RUVBL1: variants seen among roughly 807,000 people sequenced by gnomAD.
The protein encoded by RUVBL1 is ruvB-like 1.
A neutral mutation model predicts 52.4 loss-of-function variants in RUVBL1; 4 were observed. The ratio of observed to expected loss-of-function variants is 0.08; its 90% confidence interval spans 0.04 to 0.17. The LOEUF is 0.17. RUVBL1 is among the 10% of genes least tolerant of loss of function. The pLI is 1.00. For synonymous variants in RUVBL1, 217 were observed against 214.4 expected (o/e 1.01, Z -0.10); for missense variants, 298 against 572.8 (o/e 0.52, Z 4.90).
intron 1 of RUVBL1, among the ~76,000 whole-genome samples, chr3:128,152,120 T>C (rs757663535): frequency 3.9e-5 from 6 of 152,186 alleles, no homozygotes; most frequent in Non-Finnish European, 7.3e-5. Context: ...ACCCACCACC[T>C]GGCCAGAGCA....
intron 4 of RUVBL1, among the ~76,000 whole-genome samples, chr3:128,102,981 G>A (rs534756238): frequency 2.6e-5 from 4 of 152,304 alleles, no homozygotes; most frequent in Non-Finnish European, 5.9e-5. Flanking sequence ...CCCAGGTAAG[G>A]CCTGGCAGGA....
Position 128,087,828 on chromosome 3 carries a change from T to C in RUVBL1, c.1017-20A>G. The C allele has an allele frequency of 1.3e-6, 2 of 1,531,652 alleles. No individual in the cohort carries two copies. The highest frequency in any genetic ancestry group is 1.8e-6 in the Non-Finnish European group (2 of 1,106,400). 94.9% of individuals were successfully genotyped at this position (1,531,652 alleles called of 1,614,324 possible). A position where few individuals can be genotyped will look rare whatever the true frequency, so the allele number is the denominator to read the frequency against. On this transcript the variant is annotated intron_variant, in intron 8 of 10. Transcript: ENST00000322623. ...GTGCCTCTGTAAGGGGCAAAATTAA[T>C]CCCATCACCTAAGCCTCTGTTAGAC...
chr3:128,127,408 T>TC (rs1321382434), upstream of RUVBL1, among the ~76,000 whole-genome samples: 2 of 152,234 alleles, frequency 1.3e-5, no homozygotes, highest in East Asian at 3.9e-4. Context: ...ACCCTCTCAT[T>TC]CCCTTACTCC....
chr3:128,123,158 C>T (rs922695148), intron 1 of RUVBL1, among the ~76,000 whole-genome samples: 1 of 152,060 alleles, frequency 6.6e-6, no homozygotes, highest in African/African-American at 2.4e-5. Flanking sequence ...GCCGACAAAG[C>T]CCTGCAGTAA....
In RUVBL1 at chr3:128,069,566, C is replaced by T. The variant is rs147269024; in HGVS notation, c.940-4346G>A. 1,124 of 1,614,084 alleles carry T rather than the reference C, an allele frequency of 7.0e-4. 4 individuals carry two copies. The Middle Eastern group carries it at 7.9e-3, about 11-fold the overall frequency. On this transcript the variant is annotated intron_variant, in intron 9 of 9. Coordinates refer to the RUVBL1 transcript ENST00000464873. ...TCCTAGGCGCCATTGGGTCTGGAAC[C>T]GGGATCCTGCTCGCAGTCACAATCA...
At chr3:128,086,724 G>T (rs772614232) in intron 9 of RUVBL1, among the ~76,000 whole-genome samples, 2 of 152,220 alleles carry the variant, frequency 1.3e-5, no homozygotes, top group East Asian at 3.8e-4. Flanking sequence ...GGAATACCTG[G>T]AAATACCATG....
At position 128,082,544 on chromosome 3, in the gene RUVBL1, T is replaced by C; in HGVS notation, c.1150A>G (p.Ile384Val). 1.2e-6 allele frequency: 2 copies of C among 1,613,788 alleles called. No individual in the cohort carries two copies. Among genetic ancestry groups the C allele is most frequent in the Non-Finnish European group, 1.7e-6 (2 of 1,179,824 alleles). The change falls in exon 10 of 11, where the codon ATC becomes GTC. Residue 384 changes from isoleucine to valine, a missense_variant. Ile to Val is a conservative substitution (Grantham distance 29, BLOSUM62 3). Coordinates refer to ENST00000322623, the MANE Select transcript of RUVBL1 (RefSeq NM_003707.3). This position sits in a 1 kb window ranked among gnomAD's most constrained non-coding sequence, Gnocchi z 4.7. Reference sequence around the variant, plus strand: ...TTCAGTGCCTCCTCACTGATGTTGATTCCTTCCGTCTGGGCACGGATTTTA... The same window carrying C: ...TTCAGTGCCTCCTCACTGATGTTGACTCCTTCCGTCTGGGCACGGATTTTA... Reference protein sequence around the residue: ...IIKIRAQTEGINISEEALNHL... With the variant: ...IIKIRAQTEGVNISEEALNHL...
At chr3:128,130,614 A>AT (rs71634799) in intron 1 of RUVBL1, among the ~76,000 whole-genome samples, 4 of 105,352 alleles carry the variant, frequency 3.8e-5, no homozygotes, top group Non-Finnish European at 5.4e-5. Flanking sequence ...AAAAAAAAAA[A>AT]TTTTATTTAT....
chr3:128,118,890 C>T (rs1341068736), intron 2 of RUVBL1, among the ~76,000 whole-genome samples: 1 of 152,206 alleles, frequency 6.6e-6, no homozygotes, highest in Non-Finnish European at 1.5e-5. Flanking sequence ...AAAATCATGT[C>T]TCTAATTCTT....
downstream of RUVBL1, among the ~76,000 whole-genome samples, chr3:128,076,850 C>A (rs950281606): frequency 3.9e-4 from 60 of 152,218 alleles, no homozygotes; most frequent in African/African-American, 1.4e-3. The surrounding 1 kb of genome is among the most constrained non-coding windows in gnomAD (Gnocchi z 6.8). Context: ...CCGCACCCCG[C>A]ACCCCACCAT....
At chr3:128,105,837 T>C (rs1050464835) in intron 3 of RUVBL1, among the ~76,000 whole-genome samples, 5 of 151,298 alleles carry the variant, frequency 3.3e-5, no homozygotes, top group Non-Finnish European at 7.4e-5. Flanking sequence ...TGCTCTACAA[T>C]TTTCTTTCTT....
intron 9 of RUVBL1, chr3:128,068,153 G>T: frequency 1.1e-6 from 1 of 878,568 alleles, no homozygotes; most frequent in Non-Finnish European, 1.9e-6. Flanking sequence ...GCACTTACTG[G>T]GTCACTAAAT....
At chr3:128,150,864 TTATA>T (rs369748425) in intron 1 of RUVBL1, among the ~76,000 whole-genome samples, 1 of 72,940 alleles carries the variant, frequency 1.4e-5, no homozygotes, top group African/African-American at 6.1e-5. Context: ...ATATTATATA[TTATA>T]TATATATATT....
In RUVBL1 at chr3:128,098,865, C is replaced by A; in HGVS notation, c.817+17G>T. The A allele has an allele frequency of 6.2e-7, 1 of 1,612,486 alleles. No homozygotes were observed. The highest frequency in any genetic ancestry group is 8.5e-7 in the Non-Finnish European group (1 of 1,178,622). On this transcript the variant is annotated intron_variant, in intron 7 of 10. Coordinates refer to ENST00000322623, the MANE Select transcript of RUVBL1 (RefSeq NM_003707.3). ...TCCGCCCTGCCCCTTGCTCACAGGGCACACTGGTTCTCCTACCTGTGATTT... is the reference window on the plus strand; with the variant it reads ...TCCGCCCTGCCCCTTGCTCACAGGGAACACTGGTTCTCCTACCTGTGATTT...
At chr3:128,085,702 G>A (rs1318073277) in intron 9 of RUVBL1, among the ~76,000 whole-genome samples, 1 of 152,236 alleles carries the variant, frequency 6.6e-6, no homozygotes, top group African/African-American at 2.4e-5. Flanking sequence ...GGTAAGAGAT[G>A]CTGGCAGGCC....
At chr3:128,065,865 CCGAGTAG>C (rs1941961084) in intron 9 of RUVBL1, among the ~76,000 whole-genome samples, 7 of 151,592 alleles carry the variant, frequency 4.6e-5, no homozygotes, top group Admixed American at 3.9e-4. Context: ...CCTCAGCCTC[CCGAGTAG>C]ATGGGATTAC....
exon 10 of RUVBL1, chr3:128,064,842 C>G (rs768136095): frequency 2.0e-6 from 3 of 1,535,772 alleles, no homozygotes; most frequent in Admixed American, 2.1e-5. Context: ...GTTGCCTGTT[C>G]GTTCCTTCAT....
At chr3:128,093,089 C>G (rs1942883316) in intron 8 of RUVBL1, among the ~76,000 whole-genome samples, 1 of 152,008 alleles carries the variant, frequency 6.6e-6, no homozygotes, top group African/African-American at 2.4e-5. Flanking sequence ...TTCATAATAA[C>G]CCAACAACCC....
chr3:128,069,556 G>T, intron 9 of RUVBL1: 2 of 1,614,102 alleles, frequency 1.2e-6, no homozygotes, highest in Non-Finnish European at 1.7e-6. Context: ...GGCGCCATTG[G>T]GTCTGGAACC....
Sources: allele counts gnomAD v4.1 joint callset (sites outside exome capture counted in the v4.1 genomes callset), GRCh38; gene constraint gnomAD v4.1.1; non-coding constraint Gnocchi (gnomAD v3.1); transcripts MANE v1.5; gene names NCBI Gene and HGNC (gene_info 2026-07-23, HGNC 2026-07-21).